The following NTN1 variants were observed in gnomAD, a reference collection of about 807,000 sequenced individuals.
NTN1 encodes the protein netrin-1.
In NTN1, 11 loss-of-function variants were observed where a neutral mutation model predicts 54.2. The observed-to-expected ratio is 0.20, with a 90% CI of 0.13 to 0.34. The LOEUF is 0.34. Among genes scored for constraint, NTN1 ranks in the 10% least tolerant of loss-of-function variants. NTN1 has a pLI of 1.00. For synonymous variants in NTN1, 371 were observed against 382.0 expected (o/e 0.97, Z 0.33); for missense variants, 740 against 893.1 (o/e 0.83, Z 2.18).
chr17:9,209,678 C>G (rs1244552369), intron 5 of NTN1, among the ~76,000 whole-genome samples: 3 of 152,216 alleles, frequency 2.0e-5, no homozygotes, highest in Non-Finnish European at 4.4e-5. Flanking sequence ...AGGGCCCCCT[C>G]TGACCAGCGA....
At chr17:9,050,668 C>CAAA (rs11302328) in intron 2 of NTN1, among the ~76,000 whole-genome samples, 179 of 58,652 alleles carry the variant, frequency 3.1e-3, no homozygotes, top group African/African-American at 0.01. Context: ...GACTCCATCT[C>CAAA]AAAAAAAAAA....
chr17:9,013,511 C>T, the NTN1 span, among the ~76,000 whole-genome samples: 345 of 152,146 alleles, frequency 2.3e-3, 2 homozygotes, highest in African/African-American at 7.8e-3. Context: ...CCACCTCGCC[C>T]GGCCAGTAAT....
chr17:9,095,361 A>G (rs1279586743), intron 2 of NTN1, among the ~76,000 whole-genome samples: 2 of 152,210 alleles, frequency 1.3e-5, no homozygotes, highest in South Asian at 2.1e-4. Context: ...TAAGATATTC[A>G]TCTACTTTTT....
At chr17:9,130,371 C>T (rs1442210917) in intron 2 of NTN1, among the ~76,000 whole-genome samples, 2 of 152,126 alleles carry the variant, frequency 1.3e-5, no homozygotes, top group African/African-American at 4.8e-5. Context: ...CAGGTGATAA[C>T]TGCTCAGGGA....
At chr17:9,076,065 A>G (rs2092048451) in intron 2 of NTN1, among the ~76,000 whole-genome samples, 1 of 152,196 alleles carries the variant, frequency 6.6e-6, no homozygotes, top group African/African-American at 2.4e-5. Flanking sequence ...AGAGGAGGTG[A>G]TTCCCCATGG....
chr17:9,239,985 G>GCCCGCCCGCCCGCCC lies in NTN1; in HGVS notation c.*17_*18insCCCGCCCGCCCGCCC. On this transcript the variant is annotated 3_prime_UTR_variant, in exon 7 of 7. Transcript: ENST00000173229. The surrounding 1 kb of genome is among the most constrained non-coding windows in gnomAD (Gnocchi z 5.2). ...AAGGCCTAGCGCCGAGGCAGCGGGC[G>GCCCGCCCGCCCGCCC]GGCGGGCGGGCGGGCGCCAGGGCGG... 7.8e-7 allele frequency: 1 copy of GCCCGCCCGCCCGCCC among 1,288,474 alleles called. No individual in the cohort carries two copies. Among genetic ancestry groups the GCCCGCCCGCCCGCCC allele is most frequent in the Non-Finnish European group, 1.0e-6 (1 of 1,004,094 alleles). The allele number at this position is 1,288,474 out of a possible 1,614,324, so 79.8% of individuals were successfully genotyped here.
At chr17:9,081,359 C>G (rs904856599) in intron 2 of NTN1, among the ~76,000 whole-genome samples, 1 of 151,984 alleles carries the variant, frequency 6.6e-6, no homozygotes, top group African/African-American at 2.4e-5. Context: ...ATCTCTGTGC[C>G]AATGAAGATC....
At chr17:9,057,757 T>C (rs1034856659) in intron 2 of NTN1, among the ~76,000 whole-genome samples, 3 of 152,248 alleles carry the variant, frequency 2.0e-5, no homozygotes, top group African/African-American at 7.2e-5. Context: ...GACACGTGGC[T>C]CCTTTAAGTG....
chr17:9,102,631 A>G (rs1435142795), intron 2 of NTN1, among the ~76,000 whole-genome samples: 1 of 152,134 alleles, frequency 6.6e-6, no homozygotes, highest in East Asian at 1.9e-4. Context: ...GTTTATACCC[A>G]TTGGTAATGT....
chr17:9,044,321 G>A (rs1482560441), intron 2 of NTN1, among the ~76,000 whole-genome samples: 3 of 151,138 alleles, frequency 2.0e-5, no homozygotes, highest in Non-Finnish European at 2.9e-5. Context: ...TGCAACCTCC[G>A]CCTCCCAAGT....
At chr17:9,088,859 C>T (rs2092098810) in intron 2 of NTN1, among the ~76,000 whole-genome samples, 1 of 152,180 alleles carries the variant, frequency 6.6e-6, no homozygotes, top group African/African-American at 2.4e-5. Flanking sequence ...CAACCTCTCT[C>T]CGGGTTCCTT....
chr17:9,145,314 G>C (rs1394184816), intron 2 of NTN1, among the ~76,000 whole-genome samples: 1 of 152,158 alleles, frequency 6.6e-6, no homozygotes, highest in African/African-American at 2.4e-5. Flanking sequence ...CCTAATTTTA[G>C]GGTAAGAAAA....
intron 2 of NTN1, among the ~76,000 whole-genome samples, chr17:9,102,332 C>T (rs68023226): frequency 1.5e-4 from 23 of 152,012 alleles, no homozygotes; most frequent in African/African-American, 5.3e-4. Context: ...GCAAACATGT[C>T]CTTCACATGG....
intron 2 of NTN1, among the ~76,000 whole-genome samples, chr17:9,154,517 C>G (rs556290008): frequency 2.0e-5 from 3 of 152,174 alleles, no homozygotes; most frequent in African/African-American, 4.8e-5. Context: ...AGTCCTGCCT[C>G]GGCCCCTTTC....
chr17:9,231,094 C>T (rs1249868322), intron 6 of NTN1, among the ~76,000 whole-genome samples: 6 of 152,120 alleles, frequency 3.9e-5, no homozygotes, highest in East Asian at 1.9e-4. Context: ...GATCTTCTCC[C>T]GACGCAGAGC....
At chr17:9,124,165 A>G (rs2092239078) in intron 2 of NTN1, among the ~76,000 whole-genome samples, 1 of 152,110 alleles carries the variant, frequency 6.6e-6, no homozygotes, top group Non-Finnish European at 1.5e-5. Flanking sequence ...ATTTTTCTTA[A>G]AAATCAGCAG....
chr17:9,162,120 G>A (rs917721621), intron 2 of NTN1, among the ~76,000 whole-genome samples: 2 of 152,176 alleles, frequency 1.3e-5, no homozygotes, highest in African/African-American at 4.8e-5. Context: ...CCAGAGCAGG[G>A]CTGGGCAGCC....
At chr17:9,013,790 T>C in the NTN1 span, among the ~76,000 whole-genome samples, 2 of 152,200 alleles carry the variant, frequency 1.3e-5, no homozygotes, top group African/African-American at 4.8e-5. Context: ...ATTTTCTCCA[T>C]CTGGAGCAAC....
chr17:9,232,212 A>G (rs529752722), intron 6 of NTN1, among the ~76,000 whole-genome samples: 16 of 152,296 alleles, frequency 1.1e-4, no homozygotes, highest in Non-Finnish European at 2.1e-4. Flanking sequence ...CTCCTTGGGC[A>G]GCAGGCTCTC....
Sources: allele counts gnomAD v4.1 joint callset (sites outside exome capture counted in the v4.1 genomes callset), GRCh38; gene constraint gnomAD v4.1.1; non-coding constraint Gnocchi (gnomAD v3.1); transcripts MANE v1.5; gene names NCBI Gene and HGNC (gene_info 2026-07-23, HGNC 2026-07-21).